Variants in CRADD observed in about 807,000 individuals in gnomAD.
The protein encoded by CRADD is CARD and death domain containing adaptor protein.
A neutral mutation model predicts 15.5 loss-of-function variants in CRADD; 9 were observed. The observed-to-expected ratio is 0.58, with a 90% CI of 0.35 to 1.01. CRADD has a LOEUF of 1.01. Ranked by LOEUF, CRADD falls within the 50% of genes least tolerant of loss-of-function variation. The pLI, the probability that CRADD is intolerant of heterozygous loss-of-function variation, is 0.02. For missense variants in CRADD, 227 were observed against 250.3 expected (o/e 0.91, Z 0.63); for synonymous variants, 118 against 107.6 (o/e 1.10, Z -0.60).
intron 2 of CRADD, among the ~76,000 whole-genome samples, chr12:93,760,272 A>G (rs1368407365): frequency 6.6e-6 from 1 of 152,250 alleles, no homozygotes; most frequent in Non-Finnish European, 1.5e-5. Flanking sequence ...GAAGCTACTT[A>G]GTATGACTTG....
rs543231554 is a variant in CRADD, at chr12:93,839,408, G to A, written c.299-10562G>A. 3.9e-5 allele frequency among the ~76,000 whole-genome samples: 6 copies of A among 152,278 alleles called. No homozygotes were observed. In the East Asian group the frequency reaches 5.8e-4, roughly 15 times the overall value. On this transcript the variant is annotated intron_variant, in intron 2 of 2. Coordinates refer to ENST00000332896, the MANE Select transcript of CRADD (RefSeq NM_003805.5). The stretch of plus-strand genomic sequence containing the variant: ...ACGTGTATTTGCTAGCACAAATAAC[G>A]AAGCTTTACACAAACAACCTAATAC...
chr12:93,855,149 C>G (rs190440633), downstream of CRADD, among the ~76,000 whole-genome samples: 1 of 151,900 alleles, frequency 6.6e-6, no homozygotes, highest in African/African-American at 2.4e-5. Context: ...GAGCCAAGAT[C>G]GCGCCACTTC....
chr12:93,821,800 T>C (rs984333435), intron 2 of CRADD, among the ~76,000 whole-genome samples: 2 of 152,080 alleles, frequency 1.3e-5, no homozygotes, highest in Non-Finnish European at 2.9e-5. Context: ...GGGTTTCCAC[T>C]CTTTAAGGGA....
At chr12:93,808,894 C>T (rs139618097) in intron 2 of CRADD, among the ~76,000 whole-genome samples, 160 of 151,676 alleles carry the variant, frequency 1.1e-3, no homozygotes, top group African/African-American at 3.7e-3. Context: ...TTATTATAAA[C>T]ATTTTTGTGA....
At chr12:93,760,588 A>G (rs1291081900) in intron 2 of CRADD, among the ~76,000 whole-genome samples, 1 of 152,150 alleles carries the variant, frequency 6.6e-6, no homozygotes, top group Non-Finnish European at 1.5e-5. Flanking sequence ...TACTGCTCAC[A>G]GTATGCCCAA....
intron 2 of CRADD, among the ~76,000 whole-genome samples, chr12:93,722,244 T>C (rs1956278192): frequency 6.6e-6 from 1 of 152,160 alleles, no homozygotes; most frequent in Non-Finnish European, 1.5e-5. Flanking sequence ...CCAATTTACT[T>C]TTTTTCTCTG....
At chr12:93,878,160 A>AGATAATT (rs749764824) in intron 2 of CRADD, among the ~76,000 whole-genome samples, 4 of 152,332 alleles carry the variant, frequency 2.6e-5, no homozygotes, top group South Asian at 2.1e-4. Context: ...CTGGTAATCC[A>AGATAATT]GATAATTCTC....
intron 2 of CRADD, among the ~76,000 whole-genome samples, chr12:93,720,325 G>A (rs1956236830): frequency 6.6e-6 from 1 of 152,088 alleles, no homozygotes; most frequent in African/African-American, 2.4e-5. Context: ...AAATTTATTA[G>A]AGTGTGTTTT....
At chr12:93,779,497 C>T (rs1957176429) in intron 2 of CRADD, among the ~76,000 whole-genome samples, 1 of 142,696 alleles carries the variant, frequency 7.0e-6, no homozygotes, top group African/African-American at 2.6e-5. Context: ...GAAAAGAGTA[C>T]AAAAAAATAA....
chr12:93,698,942 A>G (rs1304106458), intron 2 of CRADD, among the ~76,000 whole-genome samples: 1 of 152,210 alleles, frequency 6.6e-6, no homozygotes, highest in East Asian at 1.9e-4. Context: ...TAGCTGCAAC[A>G]GAGACCTTAT....
At chr12:93,826,465 CT>C (rs1160304009) in intron 2 of CRADD, among the ~76,000 whole-genome samples, 3 of 152,218 alleles carry the variant, frequency 2.0e-5, no homozygotes, top group Non-Finnish European at 4.4e-5. Context: ...GATCCCAAGT[CT>C]TCCTGTGATT....
At position 93,863,596 on chromosome 12, in the gene CRADD, TTGTGTGTGTGTGTG is replaced by T. The variant is rs1157061528; in HGVS notation, c.299-30419_299-30406del. Among the ~76,000 whole-genome samples the T allele has an allele frequency of 6.9e-3, 856 of 124,842 alleles. 9 individuals carry two copies. Among genetic ancestry groups the T allele is most frequent in the African/African-American group, 0.024 (782 of 32,856 alleles). The allele number at this position is 124,842 out of a possible 152,430, so 81.9% of individuals were successfully genotyped here. On this transcript the variant is annotated intron_variant, in intron 2 of 2. Coordinates refer to the CRADD transcript ENST00000548483. The stretch of plus-strand genomic sequence containing the variant: ...GGCCTTTGAAAATGTGTGGAGGCAT[TTGTGTGTGTGTGTG>T]TGTGTGTGTGTGTGTGTGTGTGTGT...
chr12:93,834,112 G>A (rs140297228), intron 2 of CRADD, among the ~76,000 whole-genome samples: 41 of 152,320 alleles, frequency 2.7e-4, no homozygotes, highest in Middle Eastern at 6.8e-3. Flanking sequence ...GAGCCGGCAC[G>A]TGAAAGGCAC....
rs570486024 is a variant in CRADD at position 93,821,842 on chromosome 12, G to C, written c.299-28128G>C. ...CATCAAGATGTAGACAGCAGGCCAG[G>C]TGTGGTGGCTCATGCCTGTAATCCC... On this transcript the variant is annotated intron_variant, in intron 2 of 2. Transcript: ENST00000332896. 8.1e-4 allele frequency among the ~76,000 whole-genome samples: 124 copies of C among 152,290 alleles called. 2 individuals carry two copies. In the South Asian group the frequency reaches 0.021, roughly 25 times the overall value.
intron 2 of CRADD, among the ~76,000 whole-genome samples, chr12:93,727,407 G>T (rs1956387869): frequency 6.6e-6 from 1 of 152,180 alleles, no homozygotes; most frequent in African/African-American, 2.4e-5. Flanking sequence ...GCTTCATTAG[G>T]TCTGCTTATT....
intron 2 of CRADD, among the ~76,000 whole-genome samples, chr12:93,889,144 A>G (rs1371657360): frequency 6.6e-6 from 1 of 152,154 alleles, no homozygotes; most frequent in Non-Finnish European, 1.5e-5. Context: ...CCTGTCTTCA[A>G]AGAGGGTCTG....
intron 2 of CRADD, chr12:93,707,787 G>A (rs1955982238): frequency 6.6e-6 from 1 of 152,176 alleles, no homozygotes; most frequent in Admixed American, 6.5e-5. Flanking sequence ...GATCACATCA[G>A]AATAGCATTT....
At chr12:93,822,997 A>G (rs1957784842) in intron 2 of CRADD, among the ~76,000 whole-genome samples, 1 of 152,238 alleles carries the variant, frequency 6.6e-6, no homozygotes, top group Admixed American at 6.5e-5. Context: ...TACTCATTTA[A>G]GAATATGCTC....
At chr12:93,701,042 G>T (rs555301784) in intron 2 of CRADD, among the ~76,000 whole-genome samples, 10 of 150,530 alleles carry the variant, frequency 6.6e-5, no homozygotes, top group Admixed American at 4.6e-4. Context: ...TCAAATAAAA[G>T]ATGTTGTTTT....
Sources: allele counts gnomAD v4.1 joint callset (sites outside exome capture counted in the v4.1 genomes callset), GRCh38; gene constraint gnomAD v4.1.1; transcripts MANE v1.5; gene names NCBI Gene and HGNC (gene_info 2026-07-23, HGNC 2026-07-21).